ELP3: variants seen among roughly 807,000 people sequenced by gnomAD.
ELP3 encodes elongator complex protein 3.
ELP3 carries 56 observed loss-of-function variants against 74.9 expected under a neutral mutation model. That is an observed-to-expected ratio of 0.75 (90% CI 0.60 to 0.93). The LOEUF (loss-of-function observed/expected upper bound fraction) is 0.93, where lower values mean the gene tolerates loss of function less well. Among genes scored for constraint, ELP3 ranks in the 40% least tolerant of loss-of-function variants. The pLI, the probability that ELP3 is intolerant of heterozygous loss-of-function variation, is 0.00. For synonymous variants in ELP3, 222 were observed against 239.8 expected, an observed-to-expected ratio of 0.93 and a Z score of 0.68; for missense variants, 573 against 686.5, an observed-to-expected ratio of 0.83 and a Z score of 1.85.
chr8:28,101,287 G>T (rs866311141), intron 3 of ELP3, among the ~76,000 whole-genome samples: 48 of 151,820 alleles, frequency 3.2e-4, no homozygotes, highest in African/African-American at 1.1e-3. Context: ...GGGCGTTGTG[G>T]CGGGGGCCTG....
At position 28,162,022 on chromosome 8, in the gene ELP3, A is replaced by T. The variant is rs1295166188; in HGVS notation, c.1511A>T (p.Glu504Val). Residue 504 changes from glutamate (E) to valine (V), a missense_variant, in exon 14 of 15, where the codon GAA (glutamate) becomes GTA (valine). Physicochemically the swap from Glu to Val is moderately radical, Grantham distance 121. Coordinates refer to ENST00000256398, the MANE Select transcript of ELP3 (RefSeq NM_018091.6). Reference protein sequence around the residue: ...HQGFGMLLMEEAERIAREEHG... With the variant: ...HQGFGMLLMEVAERIAREEHG... ...GGATTTGGCATGCTGCTGATGGAGG[A>T]AGCAGAAAGAATAGCTAGAGAAGAA... The T allele has an allele frequency of 6.2e-7, 1 of 1,614,134 alleles. No homozygotes were observed. Among genetic ancestry groups the T allele is most frequent in the South Asian group, 1.1e-5 (1 of 91,078 alleles).
intron 3 of ELP3, among the ~76,000 whole-genome samples, chr8:28,100,478 A>G (rs1811433486): frequency 6.6e-6 from 1 of 152,214 alleles, no homozygotes; most frequent in South Asian, 2.1e-4. Context: ...GCAAGGACAC[A>G]GGGGCTAAGG....
Position 28,093,165 on chromosome 8 carries a change from G to A in ELP3, c.-50G>A. On this transcript the variant is annotated 5_prime_UTR_variant, in exon 1 of 15. Transcript: ENST00000256398. ...GCTGTCAGCTTTCCCCGTGGTCTGAGTTTGTGGCTGCATTTTTATCTCTGG... is the reference window on the plus strand; with the variant it reads ...GCTGTCAGCTTTCCCCGTGGTCTGAATTTGTGGCTGCATTTTTATCTCTGG... The A allele has an allele frequency of 6.2e-7, 1 of 1,606,956 alleles. No individual in the cohort carries two copies. The highest frequency in any genetic ancestry group is 2.2e-5 in the East Asian group (1 of 44,610).
chr8:28,144,605 G>C (rs984144330), intron 10 of ELP3, among the ~76,000 whole-genome samples: 12 of 152,150 alleles, frequency 7.9e-5, no homozygotes, highest in African/African-American at 2.7e-4. Context: ...AGGCAACAGA[G>C]TAAGACCCTG....
intron 7 of ELP3, among the ~76,000 whole-genome samples, chr8:28,123,028 G>A (rs938599365): frequency 2.0e-5 from 3 of 152,218 alleles, no homozygotes; most frequent in African/African-American, 7.2e-5. Context: ...GGAAGCTGAG[G>A]CAGGAGAATC....
intron 12 of ELP3, 29 bp downstream of exon 12, chr8:28,158,662 A>G: frequency 6.3e-7 from 1 of 1,584,260 alleles, no homozygotes; most frequent in South Asian, 1.1e-5. Flanking sequence ...TAGAGGGCCT[A>G]GGTACTGTCC....
chr8:28,171,605 G>C (rs776093189), intron 14 of ELP3, among the ~76,000 whole-genome samples: 2 of 151,934 alleles, frequency 1.3e-5, no homozygotes, highest in African/African-American at 4.8e-5. Flanking sequence ...CCATTCTGTG[G>C]GTTGCCTTTT....
Position 28,093,153 on chromosome 8 carries a change from C to A in ELP3, c.-62C>A. ...GATTGTTTTGTGGCTGTCAGCTTTCCCCGTGGTCTGAGTTTGTGGCTGCAT... is the reference window on the plus strand; with the variant it reads ...GATTGTTTTGTGGCTGTCAGCTTTCACCGTGGTCTGAGTTTGTGGCTGCAT... On this transcript the variant is annotated 5_prime_UTR_variant, in exon 1 of 15. Coordinates refer to ENST00000256398, the MANE Select transcript of ELP3 (RefSeq NM_018091.6). 6.3e-7 allele frequency: 1 copy of A among 1,598,882 alleles called. No individual in the cohort carries two copies. Among genetic ancestry groups the A allele is most frequent in the South Asian group, 1.1e-5 (1 of 88,500 alleles).
At chr8:28,126,872 T>G (rs140175943) in intron 7 of ELP3, among the ~76,000 whole-genome samples, 13 of 152,368 alleles carry the variant, frequency 8.5e-5, no homozygotes, top group African/African-American at 3.1e-4. Context: ...CAAAAAATTT[T>G]CATGAGAATA....
At chr8:28,155,375 A>G (rs1813786018) in intron 10 of ELP3, among the ~76,000 whole-genome samples, 1 of 152,186 alleles carries the variant, frequency 6.6e-6, no homozygotes, top group Non-Finnish European at 1.5e-5. Flanking sequence ...ATGCCAGGAA[A>G]TAAATTTTAT....
At chr8:28,112,927 T>C in intron 6 of ELP3, 92 bp from the exon 7 acceptor site, 1 of 1,258,798 alleles carries the variant, frequency 7.9e-7, no homozygotes, top group South Asian at 1.6e-5. Flanking sequence ...ACTGTACTGA[T>C]GAAAACACTG....
At chr8:28,096,587 G>A (rs1278687448) in intron 1 of ELP3, among the ~76,000 whole-genome samples, 1 of 152,204 alleles carries the variant, frequency 6.6e-6, no homozygotes, top group African/African-American at 2.4e-5. Context: ...TGAGTGGATG[G>A]CGTCATACAA....
At chr8:28,179,995 G>A (rs770401417) in intron 14 of ELP3, among the ~76,000 whole-genome samples, 1 of 152,160 alleles carries the variant, frequency 6.6e-6, no homozygotes, top group Admixed American at 6.5e-5. Flanking sequence ...GAAATCAGCT[G>A]TCTGTCTTTG....
At chr8:28,112,146 ATTATTT>A (rs1811940621) in intron 6 of ELP3, among the ~76,000 whole-genome samples, 1 of 151,728 alleles carries the variant, frequency 6.6e-6, no homozygotes, top group East Asian at 1.9e-4. Flanking sequence ...TTTTATTATT[ATTATTT>A]TTTTTTTTTT....
chr8:28,188,527 A>G (rs1257259594), intron 14 of ELP3, among the ~76,000 whole-genome samples: 1 of 152,138 alleles, frequency 6.6e-6, no homozygotes, highest in African/African-American at 2.4e-5. Flanking sequence ...TACCTACACA[A>G]TGAAACTCCA....
chr8:28,155,807 C>T (rs1813802211), intron 10 of ELP3, 135 bp from the exon 11 acceptor site: 1 of 620,964 alleles, frequency 1.6e-6, no homozygotes, highest in Non-Finnish European at 2.8e-6. Context: ...GGCTTTGCCT[C>T]TGATTTCCTG....
intron 3 of ELP3, among the ~76,000 whole-genome samples, chr8:28,101,258 CA>C (rs1203310344): frequency 1.1e-3 from 157 of 141,940 alleles, no homozygotes; most frequent in Middle Eastern, 3.6e-3. Context: ...ACTAAAAATA[CA>C]AAAAAAAAAA....
chr8:28,189,714 A>G lies in ELP3; in HGVS notation c.1633A>G (p.Met545Val). The part of the protein sequence containing the change: ...YRLQGPYMVK[M>V]LK ...ATTACAAGGCCCGTACATGGTGAAGATGCTGAAATAATGGCCACACCAGTC... is the reference window on the plus strand; with the variant it reads ...ATTACAAGGCCCGTACATGGTGAAGGTGCTGAAATAATGGCCACACCAGTC... Residue 545 changes from methionine to valine, a missense_variant, in exon 15 of 15, where the codon ATG becomes GTG. By Grantham distance (21) the Met-to-Val change is conservative. Coordinates refer to ENST00000256398, the MANE Select transcript of ELP3 (RefSeq NM_018091.6). 2 of 1,614,102 alleles carry G rather than the reference A, an allele frequency of 1.2e-6. No individual in the cohort carries two copies. The highest frequency in any genetic ancestry group is 1.7e-6 in the Non-Finnish European group (2 of 1,179,936).
chr8:28,150,981 T>A (rs1813621218), intron 10 of ELP3, among the ~76,000 whole-genome samples: 1 of 152,110 alleles, frequency 6.6e-6, no homozygotes, highest in Admixed American at 6.5e-5. Flanking sequence ...CATTATGTTG[T>A]CTAGGCTGGT....
Sources: gnomAD v4.1 joint callset for allele counts (sites outside exome capture counted in the v4.1 genomes callset) on GRCh38, gnomAD v4.1.1 for gene constraint, MANE v1.5 for transcripts, NCBI Gene and HGNC (gene_info 2026-07-23, HGNC 2026-07-21) for gene names.